ESR1: variants seen among roughly 807,000 people sequenced by gnomAD.
The protein encoded by ESR1 is estrogen receptor.
Under a neutral mutation model 52.7 loss-of-function variants are expected in ESR1, and 12 were observed. The observed-to-expected ratio is 0.23, with a 90% CI of 0.15 to 0.37. The LOEUF is 0.37. Among genes scored for constraint, ESR1 ranks in the 10% least tolerant of loss-of-function variants. The probability of loss-of-function intolerance (pLI) is 1.00; values close to 1 mark genes in which losing one functional copy is unlikely to be tolerated. For synonymous variants in ESR1, 305 were observed against 316.8 expected (o/e 0.96, Z 0.39); for missense variants, 584 against 779.7 (o/e 0.75, Z 2.99).
At chr6:151,721,542 T>G (rs576400524) in intron 2 of ESR1, among the ~76,000 whole-genome samples, 1 of 152,294 alleles carries the variant, frequency 6.6e-6, no homozygotes, top group East Asian at 1.9e-4. Context: ...AAAAGAAATT[T>G]TTGGTAGCAA....
chr6:152,025,466 G>T (rs181772987), intron 5 of ESR1, among the ~76,000 whole-genome samples: 38 of 151,814 alleles, frequency 2.5e-4, no homozygotes, highest in African/African-American at 8.2e-4. Context: ...GTCAGATATT[G>T]TATATCAAAT....
chr6:151,677,326 A>G (rs1288827392), intron 1 of ESR1, among the ~76,000 whole-genome samples: 1 of 152,202 alleles, frequency 6.6e-6, no homozygotes. Flanking sequence ...TCCTGCCTTT[A>G]TTTCCCTTTC....
chr6:151,810,408 A>G (rs1420076473), intron 1 of ESR1, among the ~76,000 whole-genome samples: 2 of 152,212 alleles, frequency 1.3e-5, no homozygotes, highest in African/African-American at 2.4e-5. Context: ...ATTATCCAGC[A>G]AGGAAAAGAA....
intron 5 of ESR1, among the ~76,000 whole-genome samples, chr6:152,058,765 G>A (rs545381294): frequency 6.6e-6 from 1 of 152,250 alleles, no homozygotes; most frequent in South Asian, 2.1e-4. Flanking sequence ...ATAAGAACTA[G>A]TATGTAATAG....
rs146416334 is a variant in ESR1, at chr6:151,989,488, A to G, written c.1097-22168A>G. The stretch of plus-strand genomic sequence containing the variant: ...AACTTCAAAAGTATTTAAAAAAATC[A>G]TTATATTTAAAACCATTTCATGTTT... On this transcript the variant is annotated intron_variant, in intron 4 of 7. Transcript: ENST00000206249. Among the ~76,000 whole-genome samples, 170 of 152,238 alleles carry G rather than the reference A, an allele frequency of 1.1e-3. 1 individual carries two copies. The highest frequency in any genetic ancestry group is 4.0e-3 in the African/African-American group (167 of 41,526).
intron 2 of ESR1, among the ~76,000 whole-genome samples, chr6:151,719,009 C>T (rs553796276): frequency 2.6e-5 from 4 of 152,294 alleles, no homozygotes; most frequent in South Asian, 2.1e-4. Context: ...TTCTTCCCTT[C>T]GTCACGTCCA....
intron 2 of ESR1, among the ~76,000 whole-genome samples, chr6:151,706,991 G>A (rs746821850): frequency 5.8e-4 from 88 of 152,260 alleles, no homozygotes; most frequent in Non-Finnish European, 1.0e-3. Flanking sequence ...AGAGGGCTGT[G>A]CTTCGACCTT....
chr6:151,747,981 C>A (rs1378316207), intron 2 of ESR1, among the ~76,000 whole-genome samples: 1 of 152,146 alleles, frequency 6.6e-6, no homozygotes, highest in Non-Finnish European at 1.5e-5. Context: ...ATCTTTAATT[C>A]TCTTGAGTAT....
intron 1 of ESR1, among the ~76,000 whole-genome samples, chr6:151,815,116 A>T (rs1217743946): frequency 6.6e-6 from 1 of 152,224 alleles, no homozygotes; most frequent in East Asian, 1.9e-4. Flanking sequence ...CGAAAGCAAC[A>T]TTGTCAGAAA....
chr6:152,080,991 C>T (rs575164085), intron 6 of ESR1, among the ~76,000 whole-genome samples: 16 of 152,230 alleles, frequency 1.1e-4, no homozygotes, highest in South Asian at 2.1e-4. Context: ...TAGAGACCTA[C>T]GAAGAGACAT....
At chr6:152,001,439 A>T (rs754801175) in intron 4 of ESR1, among the ~76,000 whole-genome samples, 7 of 152,078 alleles carry the variant, frequency 4.6e-5, no homozygotes, top group Non-Finnish European at 1.0e-4. Context: ...CATGAGAAAG[A>T]CATGAATACA....
chr6:151,942,357 T>C (rs2035170014), intron 3 of ESR1, among the ~76,000 whole-genome samples: 1 of 152,326 alleles, frequency 6.6e-6, no homozygotes, highest in Non-Finnish European at 1.5e-5. Flanking sequence ...TCTGGAATCA[T>C]ACGTAACAGA....
chr6:151,731,846 T>G (rs556283790), intron 2 of ESR1, among the ~76,000 whole-genome samples: 1 of 152,318 alleles, frequency 6.6e-6, no homozygotes, highest in South Asian at 2.1e-4. Context: ...TATGTCTTGA[T>G]AGACTGCAGC....
chr6:152,092,727 G>A (rs1260019451), intron 6 of ESR1, among the ~76,000 whole-genome samples: 1 of 152,164 alleles, frequency 6.6e-6, no homozygotes, highest in Non-Finnish European at 1.5e-5. Flanking sequence ...TATTGCTGCA[G>A]TGTTAGAAAA....
In ESR1 at chr6:152,102,640, T is replaced by C. The variant is rs2050995410; in HGVS notation, c.*3674T>C. The C allele has an allele frequency of 4.5e-6, 1 of 220,824 alleles. No individual in the cohort carries two copies. The highest frequency in any genetic ancestry group is 9.1e-6 in the Non-Finnish European group (1 of 110,138). 13.7% of individuals were successfully genotyped at this position (220,824 alleles called of 1,614,324 possible). ...AATTATGCTCTGTTTCCAACTGCATTTCCTTTCCAATTGAATTAAAGTGTG... is the reference window on the plus strand; with the variant it reads ...AATTATGCTCTGTTTCCAACTGCATCTCCTTTCCAATTGAATTAAAGTGTG... On this transcript the variant is annotated 3_prime_UTR_variant, in exon 8 of 8. Coordinates refer to ENST00000206249, the MANE Select transcript of ESR1 (RefSeq NM_000125.4).
chr6:151,768,934 T>C (rs1192425037), intron 2 of ESR1, among the ~76,000 whole-genome samples: 1 of 152,248 alleles, frequency 6.6e-6, no homozygotes, highest in East Asian at 1.9e-4. Flanking sequence ...TGGTCACTGA[T>C]ATTCTAGTAA....
In ESR1 at chr6:151,808,145, TC is replaced by T. The variant is rs1778174538; in HGVS notation, c.237del (p.Tyr80ThrfsTer29). ...GCGCAGGTCTACGGTCAGACCGGCC[TC>T]CCCTACGGCCCCGGGTCTGAGGCTG... The part of the protein sequence containing the change: ...ANAQVYGQTG[L>X]PYGPGSEAAA... On this transcript the variant is annotated frameshift_variant, in exon 1 of 8. Coordinates refer to ENST00000206249, the MANE Select transcript of ESR1 (RefSeq NM_000125.4). LOFTEE classifies it high-confidence loss of function. The T allele has an allele frequency of 6.2e-7, 1 of 1,602,088 alleles. No individual in the cohort carries two copies. The highest frequency in any genetic ancestry group is 8.5e-7 in the Non-Finnish European group (1 of 1,175,020).
At chr6:152,019,447 T>C (rs1436336294) in intron 5 of ESR1, among the ~76,000 whole-genome samples, 3 of 152,214 alleles carry the variant, frequency 2.0e-5, no homozygotes, top group South Asian at 2.1e-4. Context: ...TTATAAAATA[T>C]GCTAAGCTGC....
intron 4 of ESR1, among the ~76,000 whole-genome samples, chr6:151,965,492 C>T (rs1051086376): frequency 1.3e-5 from 2 of 152,092 alleles, no homozygotes; most frequent in South Asian, 2.1e-4. Context: ...ATAATACATC[C>T]CTGAAGTTTA....
Sources: gnomAD v4.1 joint callset for allele counts (sites outside exome capture counted in the v4.1 genomes callset) on GRCh38, gnomAD v4.1.1 for gene constraint, MANE v1.5 for transcripts, NCBI Gene and HGNC (gene_info 2026-07-23, HGNC 2026-07-21) for gene names.